NCF2: variants seen among roughly 807,000 people sequenced by gnomAD.
The protein encoded by NCF2 is neutrophil cytosolic factor 2.
In NCF2, 45 loss-of-function variants were observed where a neutral mutation model predicts 70.9. The observed-to-expected ratio is 0.63, with a 90% CI of 0.50 to 0.81. NCF2 has a LOEUF of 0.81. NCF2 is among the 40% of genes least tolerant of loss of function. The pLI, the probability that NCF2 is intolerant of heterozygous loss-of-function variation, is 0.00. For missense variants in NCF2, 522 were observed against 631.6 expected (o/e 0.83, Z 1.86); for synonymous variants, 203 against 233.6 (o/e 0.87, Z 1.19).
intron 2 of NCF2, 52 bp from the exon 3 acceptor site, chr1:183,577,759 G>T: frequency 7.8e-7 from 1 of 1,287,352 alleles, no homozygotes; most frequent in Non-Finnish European, 1.1e-6. Flanking sequence ...AGAAATAAAT[G>T]CAGCATAAAA....
chr1:183,575,544 C>A (rs957752595), intron 3 of NCF2, among the ~76,000 whole-genome samples: 2 of 152,156 alleles, frequency 1.3e-5, no homozygotes, highest in African/African-American at 2.4e-5. Context: ...AATTTACACA[C>A]AGAATCAAAT....
chr1:183,599,442 C>A, the NCF2 span, among the ~76,000 whole-genome samples: 1 of 96,528 alleles, frequency 1.0e-5, no homozygotes, highest in East Asian at 2.2e-4. Flanking sequence ...TTCTTTCTTT[C>A]TTTCTTTCTT....
intron 1 of NCF2, among the ~76,000 whole-genome samples, chr1:183,589,369 A>G (rs900298953): frequency 1.3e-5 from 2 of 152,256 alleles, no homozygotes; most frequent in African/African-American, 4.8e-5. Context: ...GCTGAAAGCC[A>G]GATGTCTACA....
intron 14 of NCF2, among the ~76,000 whole-genome samples, chr1:183,556,481 GAGA>G (rs1671786995): frequency 6.6e-6 from 1 of 152,152 alleles, no homozygotes; most frequent in Admixed American, 6.5e-5. Context: ...TTACCAGATA[GAGA>G]AGAAGGGTCA....
In NCF2 at chr1:183,556,053, G is replaced by T. The variant is rs770972754; in HGVS notation, c.*65C>A. The T allele has an allele frequency of 9.4e-5, 121 of 1,288,858 alleles. No homozygotes were observed. The highest frequency in any genetic ancestry group is 3.0e-4 in the East Asian group (13 of 43,440). The allele number at this position is 1,288,858 out of a possible 1,614,324, so 79.8% of individuals were successfully genotyped here. On this transcript the variant is annotated 3_prime_UTR_variant, in exon 15 of 15. Transcript: ENST00000367535. Reference sequence around the variant, plus strand: ...TCTCAGTACAGTATACAGCAGAAGGGTGCTAAATCTTACAAACAAGTAATA... The same window carrying T: ...TCTCAGTACAGTATACAGCAGAAGGTTGCTAAATCTTACAAACAAGTAATA...
At chr1:183,598,959 C>T in the NCF2 span, among the ~76,000 whole-genome samples, 1 of 152,102 alleles carries the variant, frequency 6.6e-6, no homozygotes, top group Non-Finnish European at 1.5e-5. Context: ...GAAGTGGTAT[C>T]AAAGACTTAT....
chr1:183,570,392 C>A (rs958905267), intron 6 of NCF2, among the ~76,000 whole-genome samples: 5 of 152,218 alleles, frequency 3.3e-5, no homozygotes, highest in African/African-American at 1.2e-4. Context: ...CAGGCCCAGG[C>A]CCCACAGGGT....
the NCF2 span, among the ~76,000 whole-genome samples, chr1:183,598,452 G>A: frequency 2.6e-5 from 4 of 152,080 alleles, no homozygotes; most frequent in Non-Finnish European, 4.4e-5. Flanking sequence ...CCCAGAGAAC[G>A]CTCTGAGGAG....
chr1:183,561,939 T>G (rs1452442928), intron 13 of NCF2, among the ~76,000 whole-genome samples: 1 of 151,386 alleles, frequency 6.6e-6, no homozygotes, highest in East Asian at 1.9e-4. Flanking sequence ...GGACTACAGG[T>G]GCACACCACC....
chr1:183,574,521 T>C lies in NCF2; in HGVS notation c.467A>G (p.His156Arg). The change falls in exon 4 of 15, where the codon CAT becomes CGT. Residue 156 changes from histidine (H) to arginine (R), a missense_variant. Transcript: ENST00000367535. ...CTCCATCGCCTTGTCGATTTTGGAA[T>C]GTCTGGGCTCAGACTTCATGCTCGT... ...LATSMKSEPR[H>R]SKIDKAMECV... 1 of 1,614,254 alleles carries C rather than the reference T, an allele frequency of 6.2e-7. No homozygotes were observed. The highest frequency in any genetic ancestry group is 1.1e-5 in the South Asian group (1 of 91,092).
intron 1 of NCF2, among the ~76,000 whole-genome samples, chr1:183,588,709 A>G (rs1673494005): frequency 6.6e-6 from 1 of 152,212 alleles, no homozygotes. Context: ...ATGCATATAA[A>G]TGCTAGTAGG....
At chr1:183,560,610 C>A (rs988806312) in intron 13 of NCF2, among the ~76,000 whole-genome samples, 1 of 152,132 alleles carries the variant, frequency 6.6e-6, no homozygotes, top group Non-Finnish European at 1.5e-5. Context: ...GACCTAGATC[C>A]CTTGCATGCA....
At chr1:183,599,488 T>C in the NCF2 span, among the ~76,000 whole-genome samples, 730 of 149,242 alleles carry the variant, frequency 4.9e-3, 3 homozygotes, top group African/African-American at 0.014. Flanking sequence ...CTTTCTCTTT[T>C]CTTTCTTTCT....
At position 183,581,731 on chromosome 1, in the gene NCF2, C is replaced by T. The variant is rs545412519; in HGVS notation, c.258-4024G>A. Among the ~76,000 whole-genome samples the T allele has an allele frequency of 1.1e-4, 16 of 151,704 alleles. 1 individual carries two copies. The South Asian group carries it at 3.1e-3, about 30-fold the overall frequency. On this transcript the variant is annotated intron_variant, in intron 2 of 14. Coordinates refer to ENST00000367535, the MANE Select transcript of NCF2 (RefSeq NM_000433.4). ...TTGCCCTGGCTGGAGTGCAGTGGCG[C>T]GATCTCGGCTCACTGGAAGCTCCGC... is the stretch of plus-strand genomic sequence containing the variant.
At position 183,564,016 on chromosome 1, in the gene NCF2, C is replaced by G. The variant is rs1176950911; in HGVS notation, c.1015G>C (p.Glu339Gln). 1 of 1,611,272 alleles carries G rather than the reference C, an allele frequency of 6.2e-7. No homozygotes were observed. The highest frequency in any genetic ancestry group is 1.7e-5 in the Admixed American group (1 of 60,014). ...GGGAAAAATGTTACCTTAGGCTCTT[C>G]TTTTTGTTTCTGGCCTGAATGGAAA... ...PQLSPGQKQK[E>Q]EPKEVKLSVP... Residue 339 changes from glutamate to glutamine, a missense_variant, in exon 11 of 15, where the codon GAA becomes CAA. By Grantham distance (29) the Glu-to-Gln change is conservative. Coordinates refer to ENST00000367535, the MANE Select transcript of NCF2 (RefSeq NM_000433.4).
the NCF2 span, among the ~76,000 whole-genome samples, chr1:183,601,685 G>A: frequency 4.0e-5 from 6 of 151,864 alleles, no homozygotes; most frequent in East Asian, 1.9e-4. Flanking sequence ...GTGAAACCCC[G>A]TCTCTACTAA....
At chr1:183,594,366 G>A (rs1241500000), upstream of NCF2, among the ~76,000 whole-genome samples, 1 of 152,164 alleles carries the variant, frequency 6.6e-6, no homozygotes, top group African/African-American at 2.4e-5. Context: ...TGATGATCAC[G>A]CCACTGCATT....
At chr1:183,562,129 G>T (rs1672089392) in intron 13 of NCF2, among the ~76,000 whole-genome samples, 1 of 152,076 alleles carries the variant, frequency 6.6e-6, no homozygotes, top group African/African-American at 2.4e-5. Context: ...ATTCAACAGT[G>T]ACTCCTGAGC....
chr1:183,597,186 G>A, the NCF2 span, among the ~76,000 whole-genome samples: 11 of 152,092 alleles, frequency 7.2e-5, no homozygotes, highest in South Asian at 2.1e-4. Context: ...TGCATTTTTC[G>A]TCTAGAGTAC....
Sources: allele counts gnomAD v4.1 joint callset (sites outside exome capture counted in the v4.1 genomes callset), GRCh38; gene constraint gnomAD v4.1.1; transcripts MANE v1.5; gene names NCBI Gene and HGNC (gene_info 2026-07-23, HGNC 2026-07-21).